Variants in COQ9 observed in about 807,000 individuals in gnomAD.
COQ9 encodes the protein coenzyme Q9.
In COQ9, 35 loss-of-function variants were observed where a neutral mutation model predicts 42.4. That is an observed-to-expected ratio of 0.83 (90% CI 0.63 to 1.10). The LOEUF is 1.10. COQ9 is among the 50% of genes least tolerant of loss of function. The pLI, the probability that COQ9 is intolerant of heterozygous loss-of-function variation, is 0.00. For missense variants in COQ9, 406 were observed against 414.6 expected (o/e 0.98, Z 0.18); for synonymous variants, 155 against 155.1 (o/e 1.00, Z 0.00).
rs1168074625 is a variant in COQ9, at chr16:57,458,278, C to G, written c.639C>G (p.Ile213Met). 1 of 1,612,608 alleles carries G rather than the reference C, an allele frequency of 6.2e-7. No individual in the cohort carries two copies. The highest frequency in any genetic ancestry group is 8.5e-7 in the Non-Finnish European group (1 of 1,179,414). The change falls in exon 6 of 9, where the codon ATC (isoleucine) becomes ATG (methionine). Residue 213 changes from isoleucine to methionine, a missense_variant. Transcript: ENST00000262507. ...GCATCCTCATGCTCCCTCACAACAT[C>G]CCGTCCAGCCTGAGCCTGCTCACCA... ...ALSILMLPHN[I>M]PSSLSLLTSM...
At position 57,456,537 on chromosome 16, in the gene COQ9, T is replaced by A. The variant is rs750482780; in HGVS notation, c.412T>A (p.Phe138Ile). 1.4e-5 allele frequency: 23 copies of A among 1,614,054 alleles called. No homozygotes were observed. The highest frequency in any genetic ancestry group is 1.9e-5 in the Non-Finnish European group (23 of 1,180,026). Residue 138 changes from phenylalanine (F) to isoleucine (I), a missense_variant, in exon 4 of 9, where the codon TTC becomes ATC. Physicochemically the swap from Phe to Ile is conservative, Grantham distance 21 (BLOSUM62 0). Coordinates refer to ENST00000262507, the MANE Select transcript of COQ9 (RefSeq NM_020312.4). The stretch of plus-strand genomic sequence containing the variant: ...TCTCTCCAGTGCAGCAGCCAGCATG[T>A]TCGGGAAGGATGGCAGTGAGCTAAT... ...LGLSSAAASM[F>I]GKDGSELILH...
intron 6 of COQ9, among the ~76,000 whole-genome samples, chr16:57,459,213 C>T (rs191611872): frequency 6.6e-6 from 1 of 152,300 alleles, no homozygotes. Context: ...CTGATTACAG[C>T]GTCTTCTGGG....
At position 57,461,091 on chromosome 16, in the gene COQ9, C is replaced by T; in HGVS notation, c.*467C>T. 2.2e-6 allele frequency: 1 copy of T among 451,108 alleles called. No homozygotes were observed. The highest frequency in any genetic ancestry group is 1.6e-5 in the South Asian group (1 of 63,942). The allele number at this position is 451,108 out of a possible 1,614,324, so 27.9% of individuals were successfully genotyped here. A position where few individuals can be genotyped will look rare whatever the true frequency, so the allele number is the denominator to read the frequency against. On this transcript the variant is annotated 3_prime_UTR_variant, in exon 9 of 9. Coordinates refer to ENST00000262507, the MANE Select transcript of COQ9 (RefSeq NM_020312.4). ...AGAGGTGTTCCTTGCAGCCCCCTCC[C>T]TCTCAGGTGTCCTGAGATGCTGTTC...
At chr16:57,458,449 G>A (rs1475769153) in intron 6 of COQ9, 99 bp downstream of exon 6, 1 of 897,338 alleles carries the variant, frequency 1.1e-6, no homozygotes, top group Non-Finnish European at 1.8e-6. Context: ...AGCCCCTGCA[G>A]GGGGGCTGCA....
rs1005857128 is a variant in COQ9, at chr16:57,452,700, C to T, written c.243-101C>T. Reference sequence around the variant, plus strand: ...TAGTGACACAAGAGTAAATGTCTTCCCAGCATGTGCTTAGAGGAGATCCAG... The same window carrying T: ...TAGTGACACAAGAGTAAATGTCTTCTCAGCATGTGCTTAGAGGAGATCCAG... On this transcript the variant is annotated intron_variant, in intron 2 of 8. Coordinates refer to ENST00000262507, the MANE Select transcript of COQ9 (RefSeq NM_020312.4). 6.0e-6 allele frequency: 8 copies of T among 1,335,608 alleles called. No homozygotes were observed. In the Admixed American group the frequency reaches 6.7e-5, roughly 11 times the overall value. 82.7% of individuals were successfully genotyped at this position (1,335,608 alleles called of 1,614,324 possible).
At position 57,456,304 on chromosome 16, in the gene COQ9, C is replaced by T. The variant is rs1371018320; in HGVS notation, c.379-200C>T. On this transcript the variant is annotated intron_variant, in intron 3 of 8. Coordinates refer to ENST00000262507, the MANE Select transcript of COQ9 (RefSeq NM_020312.4). Reference sequence around the variant, plus strand: ...GTCTCTGTGAACTTGTTATTCAAGCCTAGATCCCACTCTTGCACACACACC... The same window carrying T: ...GTCTCTGTGAACTTGTTATTCAAGCTTAGATCCCACTCTTGCACACACACC... 6.5e-6 allele frequency: 4 copies of T among 616,516 alleles called. No individual in the cohort carries two copies. In the Admixed American group the frequency reaches 9.5e-5, roughly 15 times the overall value. 38.2% of individuals were successfully genotyped at this position (616,516 alleles called of 1,614,324 possible).
Position 57,460,022 on chromosome 16 carries a change from TAA to T in COQ9, c.868-28_868-27del, listed in dbSNP as rs546890202. The T allele has an allele frequency of 1.8e-4, 296 of 1,612,264 alleles. 2 individuals are homozygous for T. In the African/African-American group the frequency reaches 3.7e-3, roughly 20 times the overall value. ...CAAGTTTAACTTTGTGTTGGTGGCC[TAA>T]GGGAACCTGACACTGACTCCTTCTA... is the stretch of plus-strand genomic sequence containing the variant. On this transcript the variant is annotated intron_variant, in intron 7 of 8. Coordinates refer to ENST00000262507, the MANE Select transcript of COQ9 (RefSeq NM_020312.4).
chr16:57,456,467 GGCAC>G, intron 3 of COQ9, 33 bp from the exon 4 acceptor site: 1 of 1,612,904 alleles, frequency 6.2e-7, no homozygotes, highest in East Asian at 2.2e-5. Context: ...CCTACACTTG[GGCAC>G]CGCTTTTCTG....
intron 3 of COQ9, among the ~76,000 whole-genome samples, chr16:57,455,372 T>TATAC (rs1201864688): frequency 3.7e-4 from 53 of 144,592 alleles, no homozygotes; most frequent in Admixed American, 2.3e-3. Flanking sequence ...TATATATATA[T>TATAC]ACAGTATATA....
chr16:57,458,981 A>G (rs1306292282), intron 6 of COQ9, among the ~76,000 whole-genome samples: 1 of 152,274 alleles, frequency 6.6e-6, no homozygotes, highest in Non-Finnish European at 1.5e-5. Context: ...TGGGAATATA[A>G]TGCCAACAGA....
chr16:57,447,558 T>G lies in COQ9; in HGVS notation c.53T>G (p.Leu18Arg), dbSNP rs1466047500. The G allele has an allele frequency of 2.3e-6, 3 of 1,292,462 alleles. No homozygotes were observed. The highest frequency in any genetic ancestry group is 2.6e-4 in the Middle Eastern group (1 of 3,898). The allele number at this position is 1,292,462 out of a possible 1,614,324, so 80.1% of individuals were successfully genotyped here. A position where few individuals can be genotyped will look rare whatever the true frequency, so the allele number is the denominator to read the frequency against. ...GALGRAGWRL[L>R]QLRCLPVARC... ...CTTGGCCGGGCGGGCTGGAGGCTCC[T>G]GCAGCTGCGATGCCTGCCCGGTGAG... Residue 18 changes from leucine (L) to arginine (R), a missense_variant, in exon 1 of 9, where the codon CTG becomes CGG. Transcript: ENST00000262507.
Position 57,460,789 on chromosome 16 carries a change from G to A in COQ9, c.*165G>A. Reference sequence around the variant, plus strand: ...ACCTGGAAACCACAAGGCATTTGATGCTACCGTTCTGGTCAGGGATTGGGC... The same window carrying A: ...ACCTGGAAACCACAAGGCATTTGATACTACCGTTCTGGTCAGGGATTGGGC... On this transcript the variant is annotated 3_prime_UTR_variant, in exon 9 of 9. Transcript: ENST00000262507. 2.9e-6 allele frequency: 2 copies of A among 684,376 alleles called. No individual in the cohort carries two copies. Among genetic ancestry groups the A allele is most frequent in the South Asian group, 3.3e-5 (2 of 60,990 alleles). 42.4% of individuals were successfully genotyped at this position (684,376 alleles called of 1,614,324 possible).
intron 6 of COQ9, 99 bp downstream of exon 6, chr16:57,458,449 G>C: frequency 1.1e-6 from 1 of 897,338 alleles, no homozygotes; most frequent in Non-Finnish European, 1.8e-6. Context: ...AGCCCCTGCA[G>C]GGGGGCTGCA....
chr16:57,460,027 G>A, intron 7 of COQ9, 24 bp from the exon 8 acceptor site: 1 of 1,613,144 alleles, frequency 6.2e-7, no homozygotes, highest in Non-Finnish European at 8.5e-7. Context: ...TGGCCTAAGG[G>A]AACCTGACAC....
rs1233305170 is a variant in COQ9 at position 57,460,617 on chromosome 16, G to A, written c.950G>A (p.Arg317His). 16 of 1,613,810 alleles carry A rather than the reference G, an allele frequency of 9.9e-6. No homozygotes were observed. The highest frequency in any genetic ancestry group is 1.3e-5 in the African/African-American group (1 of 74,886). Residue 317 changes from arginine (R) to histidine (H), a missense_variant, in exon 9 of 9, where the codon CGT becomes CAT. By Grantham distance (29) the Arg-to-His change is conservative. Transcript: ENST00000262507. ...AAGAACTTGACAGGTCTAAACCAGC[G>A]TCGGTGAGAGGAAGGGGTATAAGCT... ...TLKNLTGLNQ[R>H]R
At chr16:57,450,284 G>A (rs930686755) in intron 1 of COQ9, among the ~76,000 whole-genome samples, 1 of 151,828 alleles carries the variant, frequency 6.6e-6, no homozygotes, top group Non-Finnish European at 1.5e-5. Context: ...GAGTGGTGGC[G>A]GGTGCCTGTG....
intron 8 of COQ9, 65 bp from the exon 9 acceptor site, chr16:57,460,524 T>C (rs1308592457): frequency 6.7e-7 from 1 of 1,499,620 alleles, no homozygotes. Flanking sequence ...AGCTAGGTCT[T>C]TTCTATTAGA....
At chr16:57,456,683 A>G (rs2030411131) in intron 4 of COQ9, 37 bp downstream of exon 4, 1 of 1,604,966 alleles carries the variant, frequency 6.2e-7, no homozygotes, top group African/African-American at 1.3e-5. Flanking sequence ...GGTGGCAGCT[A>G]AGGATCAGGG....
rs187929772 is a variant in COQ9, at chr16:57,453,122, C to T, written c.378+186C>T. ...TATTTTGTAGTTATAAAGAACATACCATGGAGTTGGTTCTTGGGAGTTGTG... is the reference window on the plus strand; with the variant it reads ...TATTTTGTAGTTATAAAGAACATACTATGGAGTTGGTTCTTGGGAGTTGTG... On this transcript the variant is annotated intron_variant, in intron 3 of 8. Transcript: ENST00000262507. The T allele has an allele frequency of 6.2e-5, 44 of 713,038 alleles. No homozygotes were observed. In the East Asian group the frequency reaches 1.1e-3, roughly 18 times the overall value. The allele number at this position is 713,038 out of a possible 1,614,324, so 44.2% of individuals were successfully genotyped here.
Sources: gnomAD v4.1 joint callset for allele counts (sites outside exome capture counted in the v4.1 genomes callset) on GRCh38, gnomAD v4.1.1 for gene constraint, MANE v1.5 for transcripts, NCBI Gene and HGNC (gene_info 2026-07-23, HGNC 2026-07-21) for gene names.